COL4A1: variants seen among roughly 807,000 people sequenced by gnomAD.
COL4A1 encodes collagen alpha-1(IV) chain.
Under a neutral mutation model 216.6 loss-of-function variants are expected in COL4A1, and 40 were observed. That is an observed-to-expected ratio of 0.18 (90% CI 0.14 to 0.24). The LOEUF is 0.24. Ranked by LOEUF, COL4A1 falls within the 10% of genes least tolerant of loss-of-function variation. COL4A1 has a pLI of 1.00. For missense variants in COL4A1, 1,628 were observed against 2,196.8 expected, an observed-to-expected ratio of 0.74 and a Z score of 5.18; for synonymous variants, 839 against 810.7, an observed-to-expected ratio of 1.03 and a Z score of -0.59.
chr13:110,169,575 T>C, intron 43 of COL4A1, 54 bp downstream of exon 43: 1 of 1,608,384 alleles, frequency 6.2e-7, no homozygotes, highest in Non-Finnish European at 8.5e-7. Flanking sequence ...ATATGAATAC[T>C]TCTGGCCAGA....
intron 2 of COL4A1, among the ~76,000 whole-genome samples, chr13:110,233,318 G>T (rs1566398909): frequency 1.3e-5 from 2 of 152,060 alleles, no homozygotes; most frequent in African/African-American, 4.8e-5. Flanking sequence ...AAAAATCTTG[G>T]CATTGCAAAC....
rs982326213 is a variant in COL4A1 at position 110,200,934 on chromosome 13, C to T, written c.1085-45G>A. 8.8e-6 allele frequency: 14 copies of T among 1,592,296 alleles called. No homozygotes were observed. In the African/African-American group the frequency reaches 1.3e-4, roughly 15 times the overall value. On this transcript the variant is annotated intron_variant, in intron 19 of 51. Transcript: ENST00000375820. ...GTTGGATCAAACAGAACAGTTCACC[C>T]GTTTGTATACACTTCTTATTTCTCT...
chr13:110,259,817 C>T (rs1012239805), intron 1 of COL4A1, among the ~76,000 whole-genome samples: 1 of 152,204 alleles, frequency 6.6e-6, no homozygotes, highest in Non-Finnish European at 1.5e-5. Flanking sequence ...CCTTCTCCTC[C>T]GGGCTCTGCA....
chr13:110,173,716 C>T (rs190105849), intron 40 of COL4A1, among the ~76,000 whole-genome samples, 184 bp downstream of exon 40: 26 of 152,230 alleles, frequency 1.7e-4, no homozygotes, highest in African/African-American at 6.0e-4. Flanking sequence ...AATACCCCTT[C>T]CCTTCTTCCC....
intron 22 of COL4A1, 45 bp from the exon 23 acceptor site, chr13:110,192,958 G>C (rs1555304752): frequency 6.4e-7 from 1 of 1,560,246 alleles, no homozygotes. Flanking sequence ...CATGTGACCA[G>C]AAGTCTCCGC....
At position 110,211,179 on chromosome 13, in the gene COL4A1, C is replaced by A. The variant is rs995697386; in HGVS notation, c.468+468G>T. 1.3e-5 allele frequency among the ~76,000 whole-genome samples: 2 copies of A among 152,224 alleles called. No individual in the cohort carries two copies. The highest frequency in any genetic ancestry group is 4.8e-5 in the African/African-American group (2 of 41,462). On this transcript the variant is annotated intron_variant, in intron 8 of 51. Transcript: ENST00000375820. This position sits in a 1 kb window ranked among gnomAD's most constrained non-coding sequence, Gnocchi z 4.3. The stretch of plus-strand genomic sequence containing the variant: ...CTCCCTTTGACAAGGCTGATCCCAA[C>A]ATCCAGATGCCCGAGGTCCCCGCCC...
At chr13:110,169,559 A>G (rs1162722432) in intron 43 of COL4A1, 70 bp downstream of exon 43, 6 of 1,605,922 alleles carry the variant, frequency 3.7e-6, no homozygotes, top group Non-Finnish European at 5.1e-6. Context: ...ATACACACAT[A>G]GACACATATG....
Position 110,192,823 on chromosome 13 carries a change from G to T in COL4A1, c.1465+7C>A, listed in dbSNP as rs2139179990. 3.1e-6 allele frequency: 5 copies of T among 1,612,958 alleles called. No individual in the cohort carries two copies. Among genetic ancestry groups the T allele is most frequent in the Non-Finnish European group, 4.2e-6 (5 of 1,179,014 alleles). ...CTGACCTGGTCCTTTTCACATGTGG[G>T]TCTTACCTATTTCTCCCGGGGGTCC... On this transcript the variant is annotated splice_region_variant and intron_variant, in intron 23 of 51. Coordinates refer to ENST00000375820, the MANE Select transcript of COL4A1 (RefSeq NM_001845.6).
chr13:110,202,651 CA>C (rs1594577092), intron 18 of COL4A1, among the ~76,000 whole-genome samples: 1 of 152,016 alleles, frequency 6.6e-6, no homozygotes, highest in Non-Finnish European at 1.5e-5. Flanking sequence ...TTCATTATTT[CA>C]AAAAAGTCTG....
intron 48 of COL4A1, 21 bp downstream of exon 48, chr13:110,162,209 A>T: frequency 6.2e-7 from 1 of 1,607,234 alleles, no homozygotes; most frequent in Non-Finnish European, 8.5e-7. Context: ...GAATGAATGC[A>T]TGGATCTGCA....
At chr13:110,184,696 G>T (rs547090765) in intron 26 of COL4A1, among the ~76,000 whole-genome samples, 17 of 138,526 alleles carry the variant, frequency 1.2e-4, no homozygotes, top group Admixed American at 1.0e-3. Flanking sequence ...GTGTGTGTGT[G>T]TGTGTGTTTT....
chr13:110,208,750 T>C (rs1879632129), intron 12 of COL4A1, 99 bp downstream of exon 12: 1 of 615,442 alleles, frequency 1.6e-6, no homozygotes. Flanking sequence ...GAAGAGTAAC[T>C]ATACTTGTAA....
chr13:110,246,144 T>TAAA (rs35110605), intron 1 of COL4A1, among the ~76,000 whole-genome samples: 1 of 144,314 alleles, frequency 6.9e-6, no homozygotes, highest in African/African-American at 2.5e-5. Context: ...ATGGTTTTGT[T>TAAA]AAAAAAAAAA....
intron 1 of COL4A1, among the ~76,000 whole-genome samples, chr13:110,246,537 T>C (rs1019893482): frequency 6.6e-6 from 1 of 152,234 alleles, no homozygotes; most frequent in Admixed American, 6.5e-5. Flanking sequence ...TGACCTGACA[T>C]GTGAAAAGCT....
At chr13:110,200,741 T>C (rs754372356) in intron 20 of COL4A1, 113 bp downstream of exon 20, 50 of 1,139,038 alleles carry the variant, frequency 4.4e-5, no homozygotes, top group Admixed American at 5.8e-5. Flanking sequence ...TGTCGTAAGA[T>C]TGCTACCGAT....
Position 110,192,197 on chromosome 13 carries a change from C to T in COL4A1, c.1536+17G>A, listed in dbSNP as rs761073655. The T allele has an allele frequency of 1.9e-6, 3 of 1,613,936 alleles. No individual in the cohort carries two copies. Among genetic ancestry groups the T allele is most frequent in the Non-Finnish European group, 1.7e-6 (2 of 1,179,790 alleles). On this transcript the variant is annotated intron_variant, in intron 24 of 51. Transcript: ENST00000375820. ...GCAACTTCTGATATGTACATGAACTCAGACAGGTTTACTTACTGGCACTCC... is the reference window on the plus strand; with the variant it reads ...GCAACTTCTGATATGTACATGAACTTAGACAGGTTTACTTACTGGCACTCC...
chr13:110,169,457 AAAG>A (rs1379056836), intron 43 of COL4A1, among the ~76,000 whole-genome samples, 169 bp downstream of exon 43: 2 of 38,284 alleles, frequency 5.2e-5, no homozygotes, highest in East Asian at 9.0e-4. Context: ...TACTGGCAAG[AAAG>A]AAAGAAAGAA....
intron 24 of COL4A1, among the ~76,000 whole-genome samples, chr13:110,188,040 G>A (rs934037712): frequency 2.0e-5 from 3 of 152,196 alleles, no homozygotes; most frequent in African/African-American, 7.2e-5. Context: ...ACACTAGAAC[G>A]TTGCTCAGTT....
chr13:110,303,950 G>T (rs533421713), intron 1 of COL4A1, among the ~76,000 whole-genome samples: 4 of 152,204 alleles, frequency 2.6e-5, no homozygotes, highest in African/African-American at 9.6e-5. Flanking sequence ...AGTTTGATGA[G>T]TACCCCCAAA....
Sources: gnomAD v4.1 joint callset for allele counts (sites outside exome capture counted in the v4.1 genomes callset) on GRCh38, gnomAD v4.1.1 for gene constraint, Gnocchi (gnomAD v3.1) non-coding constraint, MANE v1.5 for transcripts, NCBI Gene and HGNC (gene_info 2026-07-23, HGNC 2026-07-21) for gene names.